The following KCNQ1 variants were observed in gnomAD, a reference collection of about 807,000 sequenced individuals.
KCNQ1 encodes potassium voltage-gated channel subfamily KQT member 1.
In KCNQ1, 49 loss-of-function variants were observed where a neutral mutation model predicts 72.4. That is an observed-to-expected ratio of 0.68 (90% CI 0.54 to 0.86). KCNQ1 has a LOEUF of 0.86. KCNQ1 is among the 40% of genes least tolerant of loss of function. The probability of loss-of-function intolerance (pLI) is 0.00; values close to 1 mark genes in which losing one functional copy is unlikely to be tolerated. For missense variants in KCNQ1, 790 were observed against 945.1 expected (o/e 0.84, Z 2.15); for synonymous variants, 450 against 412.6 (o/e 1.09, Z -1.10).
rs529141464 is a variant in KCNQ1 at position 2,517,318 on chromosome 11, C to G, written c.387-10610C>G. Reference sequence around the variant, plus strand: ...GCGATGGGGATGGGGTGAGATGCACCTGATGGACCTCCAGGTGGGAAGCTC... The same window carrying G: ...GCGATGGGGATGGGGTGAGATGCACGTGATGGACCTCCAGGTGGGAAGCTC... On this transcript the variant is annotated intron_variant, in intron 1 of 15. Coordinates refer to ENST00000155840, the MANE Select transcript of KCNQ1 (RefSeq NM_000218.3). 1.1e-3 allele frequency among the ~76,000 whole-genome samples: 160 copies of G among 152,252 alleles called. 1 individual carries two copies. The highest frequency in any genetic ancestry group is 3.8e-3 in the African/African-American group (157 of 41,550).
chr11:2,630,550 T>C, intron 10 of KCNQ1: 1 of 398,354 alleles, frequency 2.5e-6, no homozygotes, highest in Non-Finnish European at 4.4e-6. Context: ...ATTGAGAAAT[T>C]ATGAAAACAA....
chr11:2,833,682 A>G (rs1224317435), intron 15 of KCNQ1, among the ~76,000 whole-genome samples: 1 of 152,200 alleles, frequency 6.6e-6, no homozygotes, highest in African/African-American at 2.4e-5. Flanking sequence ...AGGTGAGCAA[A>G]CACCAGGTCC....
At position 2,526,345 on chromosome 11, in the gene KCNQ1, G is replaced by A. The variant is rs1220827064; in HGVS notation, c.387-1583G>A. On this transcript the variant is annotated intron_variant, in intron 1 of 15. Coordinates refer to ENST00000155840, the MANE Select transcript of KCNQ1 (RefSeq NM_000218.3). This position sits in a 1 kb window ranked among gnomAD's most constrained non-coding sequence, Gnocchi z 6.1. ...GGCTCTGCAGGTAGAGCTGACCGGT[G>A]TGGCAGGGACAGGGTGTCGGTGAGG... 1.3e-5 allele frequency among the ~76,000 whole-genome samples: 2 copies of A among 152,170 alleles called. No homozygotes were observed. Among genetic ancestry groups the A allele is most frequent in the Non-Finnish European group, 2.9e-5 (2 of 68,030 alleles).
intron 11 of KCNQ1, among the ~76,000 whole-genome samples, chr11:2,761,705 G>A (rs1269093231): frequency 6.6e-6 from 1 of 152,196 alleles, no homozygotes; most frequent in Non-Finnish European, 1.5e-5. Flanking sequence ...GAGACCACAG[G>A]GTGGACTGTG....
intron 11 of KCNQ1, chr11:2,675,046 G>A (rs1163203004): frequency 7.5e-6 from 3 of 398,536 alleles, no homozygotes; most frequent in Non-Finnish European, 1.3e-5. Flanking sequence ...TGGGGGACGG[G>A]GATGCCAAGG....
Position 2,471,040 on chromosome 11 carries a change from T to C in KCNQ1, c.386+25556T>C, listed in dbSNP as rs1364893295. On this transcript the variant is annotated intron_variant, in intron 1 of 15. Coordinates refer to ENST00000155840, the MANE Select transcript of KCNQ1 (RefSeq NM_000218.3). The surrounding 1 kb of genome is among the most constrained non-coding windows in gnomAD (Gnocchi z 4.8). ...GAGGTGTCGGTGGAGGCTCCCTTTC[T>C]GCCCGCGGGTTCCAGCACATTTGCT... 6.6e-6 allele frequency among the ~76,000 whole-genome samples: 1 copy of C among 152,152 alleles called. No individual in the cohort carries two copies. The highest frequency in any genetic ancestry group is 1.5e-5 in the Non-Finnish European group (1 of 68,030).
rs1564817604 is a variant in KCNQ1, at chr11:2,562,757, TAA to T, written c.478-7870_478-7869del. Among the ~76,000 whole-genome samples, 1 of 152,148 alleles carries T rather than the reference TAA, an allele frequency of 6.6e-6. No homozygotes were observed. On this transcript the variant is annotated intron_variant, in intron 2 of 15. Transcript: ENST00000155840. The surrounding 1 kb of genome is among the most constrained non-coding windows in gnomAD (Gnocchi z 7.5). The stretch of plus-strand genomic sequence containing the variant: ...GGCTCCAGTGGAAGGTCCCCAGGCC[TAA>T]GTCTATGGGGGCGCCAGGGAGGCCG...
chr11:2,830,536 C>T lies in KCNQ1; in HGVS notation c.1795-17231C>T, dbSNP rs540208195. 4.6e-5 allele frequency among the ~76,000 whole-genome samples: 7 copies of T among 152,248 alleles called. No homozygotes were observed. Among genetic ancestry groups the T allele is most frequent in the African/African-American group, 1.4e-4 (6 of 41,554 alleles). Reference sequence around the variant, plus strand: ...TCCCAAGAACCTCTTCCTCCAGCCCCGGGAGCAGGAAGGGCGGGCTGGGAG... The same window carrying T: ...TCCCAAGAACCTCTTCCTCCAGCCCTGGGAGCAGGAAGGGCGGGCTGGGAG... On this transcript the variant is annotated intron_variant, in intron 15 of 15. Coordinates refer to ENST00000155840, the MANE Select transcript of KCNQ1 (RefSeq NM_000218.3). The surrounding 1 kb of genome is among the most constrained non-coding windows in gnomAD (Gnocchi z 7.7).
chr11:2,448,959 A>G (rs2133565256), intron 1 of KCNQ1, among the ~76,000 whole-genome samples: 2 of 152,328 alleles, frequency 1.3e-5, no homozygotes, highest in Admixed American at 1.3e-4. Context: ...AGGTGGCAAG[A>G]GCCTAGAGCC....
intron 10 of KCNQ1, chr11:2,633,396 T>G (rs1849396556): frequency 5.0e-6 from 2 of 398,588 alleles, no homozygotes; most frequent in Non-Finnish European, 8.8e-6. Context: ...TTTGTCTATT[T>G]TTGTTTTTGT....
chr11:2,489,110 A>G (rs1482891811), intron 1 of KCNQ1, among the ~76,000 whole-genome samples: 1 of 152,220 alleles, frequency 6.6e-6, no homozygotes, highest in African/African-American at 2.4e-5. Flanking sequence ...CAATCACAGT[A>G]TCTGCTTTTA....
At chr11:2,504,647 C>T (rs1847073090) in intron 1 of KCNQ1, among the ~76,000 whole-genome samples, 1 of 152,156 alleles carries the variant, frequency 6.6e-6, no homozygotes, top group Non-Finnish European at 1.5e-5. Context: ...ATCCCAGCTA[C>T]TTGGGTGGCC....
In KCNQ1 at chr11:2,494,909, G is replaced by A. The variant is rs1846885654; in HGVS notation, c.387-33019G>A. On this transcript the variant is annotated intron_variant, in intron 1 of 15. Coordinates refer to ENST00000155840, the MANE Select transcript of KCNQ1 (RefSeq NM_000218.3). The surrounding 1 kb of genome is among the most constrained non-coding windows in gnomAD (Gnocchi z 4.6). Reference sequence around the variant, plus strand: ...CTACTGTTTGGAATAGTTTCAGAAGGAATGGTACCAGCTCCTCTTTGTGCC... The same window carrying A: ...CTACTGTTTGGAATAGTTTCAGAAGAAATGGTACCAGCTCCTCTTTGTGCC... Among the ~76,000 whole-genome samples, 1 of 152,202 alleles carries A rather than the reference G, an allele frequency of 6.6e-6. No individual in the cohort carries two copies.
rs1850138721 is a variant in KCNQ1, at chr11:2,669,231, G to A, written c.1514+7150G>A. 1 of 398,562 alleles carries A rather than the reference G, an allele frequency of 2.5e-6. No homozygotes were observed. Among genetic ancestry groups the A allele is most frequent in the South Asian group, 1.3e-4 (1 of 7,862 alleles). 24.7% of individuals were successfully genotyped at this position (398,562 alleles called of 1,614,324 possible). On this transcript the variant is annotated intron_variant, in intron 11 of 15. Coordinates refer to ENST00000155840, the MANE Select transcript of KCNQ1 (RefSeq NM_000218.3). This position sits in a 1 kb window ranked among gnomAD's most constrained non-coding sequence, Gnocchi z 5.6. Reference sequence around the variant, plus strand: ...ACAGGTTTTGACAGCTGGTCCTGCTGGCTCTGGCTGCTTCTCCTTCCCCAT... The same window carrying A: ...ACAGGTTTTGACAGCTGGTCCTGCTAGCTCTGGCTGCTTCTCCTTCCCCAT...
At chr11:2,522,614 T>C (rs1484282332) in intron 1 of KCNQ1, among the ~76,000 whole-genome samples, 2 of 152,260 alleles carry the variant, frequency 1.3e-5, no homozygotes, top group Non-Finnish European at 2.9e-5. Flanking sequence ...AAGTAAGCTT[T>C]GTCATATAAT....
chr11:2,510,713 G>C (rs986778804), intron 1 of KCNQ1, among the ~76,000 whole-genome samples: 1 of 152,208 alleles, frequency 6.6e-6, no homozygotes, highest in African/African-American at 2.4e-5. Flanking sequence ...GCTGGTCTCT[G>C]AGGCCCAGGC....
chr11:2,741,064 G>T (rs1470529941), intron 11 of KCNQ1, among the ~76,000 whole-genome samples: 3 of 152,150 alleles, frequency 2.0e-5, no homozygotes, highest in Admixed American at 2.0e-4. Context: ...CCCTGGGGTG[G>T]GGGGTGTTCC....
At chr11:2,614,971 A>G (rs1371970284) in intron 10 of KCNQ1, 5 of 398,366 alleles carry the variant, frequency 1.3e-5, no homozygotes, top group East Asian at 3.6e-5. Context: ...TTGAATCTGT[A>G]GATCACTGGG....
intron 2 of KCNQ1, among the ~76,000 whole-genome samples, chr11:2,560,950 C>T (rs1167322487): frequency 6.6e-6 from 1 of 151,920 alleles, no homozygotes; most frequent in Non-Finnish European, 1.5e-5. Flanking sequence ...GGCCTGTAAT[C>T]CCAGCACTTT....
Sources: gnomAD v4.1 joint callset for allele counts (sites outside exome capture counted in the v4.1 genomes callset) on GRCh38, gnomAD v4.1.1 for gene constraint, Gnocchi (gnomAD v3.1) non-coding constraint, MANE v1.5 for transcripts, NCBI Gene and HGNC (gene_info 2026-07-23, HGNC 2026-07-21) for gene names.